Variants in NAV1 observed in about 807,000 individuals in gnomAD.
NAV1 encodes neuron navigator 1.
Under a neutral mutation model 175.2 loss-of-function variants are expected in NAV1, and 18 were observed. That is an observed-to-expected ratio of 0.10 (90% CI 0.07 to 0.15). The LOEUF (loss-of-function observed/expected upper bound fraction) is 0.15. Ranked by LOEUF, NAV1 falls within the 10% of genes least tolerant of loss-of-function variation. The pLI is 1.00. For missense variants in NAV1, 1,731 were observed against 2,436.6 expected, an observed-to-expected ratio of 0.71 and a Z score of 6.10; for synonymous variants, 897 against 978.7, an observed-to-expected ratio of 0.92 and a Z score of 1.56.
intron 1 of NAV1, among the ~76,000 whole-genome samples, chr1:201,627,706 T>C (rs959886091): frequency 1.3e-5 from 2 of 152,124 alleles, no homozygotes; most frequent in South Asian, 2.1e-4. Context: ...CTCTCCCCAG[T>C]AGAATTTTCT....
chr1:201,658,481 A>C (rs1321670985), intron 1 of NAV1, among the ~76,000 whole-genome samples: 3 of 152,054 alleles, frequency 2.0e-5, no homozygotes, highest in Admixed American at 6.6e-5. Context: ...AAAAAACTAG[A>C]AAAGGAAGGG....
intron 3 of NAV1, among the ~76,000 whole-genome samples, chr1:201,733,926 G>T (rs1043292188): frequency 3.9e-5 from 6 of 152,182 alleles, no homozygotes; most frequent in African/African-American, 1.2e-4. Flanking sequence ...ACTTCAGGGA[G>T]AGGGACGATG....
chr1:201,649,439 C>CGG lies in NAV1; in HGVS notation c.757+14_757+15insGG. 6.8e-7 allele frequency: 1 copy of CGG among 1,463,874 alleles called. No individual in the cohort carries two copies. Among genetic ancestry groups the CGG allele is most frequent in the Non-Finnish European group, 9.1e-7 (1 of 1,100,386 alleles). The allele number at this position is 1,463,874 out of a possible 1,614,324, so 90.7% of individuals were successfully genotyped here. On this transcript the variant is annotated intron_variant, in intron 1 of 29. Coordinates refer to ENST00000367296, the Ensembl canonical transcript of NAV1. ...GCCAGATGCTGGGTAAGTCCTGCCG[C>CGG]CCCGCCCCGCCCCGCCCCTGGCTTT...
exon 30 of NAV1, chr1:201,826,848 C>T (rs1187027107): frequency 1.3e-5 from 2 of 152,198 alleles, no homozygotes; most frequent in African/African-American, 4.8e-5. Flanking sequence ...AAGAGGCCTT[C>T]CTTCATCACC....
chr1:201,591,453 A>T (rs1667190527), intron 2 of NAV1, among the ~76,000 whole-genome samples: 7 of 152,148 alleles, frequency 4.6e-5, no homozygotes, highest in Admixed American at 4.6e-4. Context: ...GTTGCCTTTG[A>T]GTAGCCCCAG....
chr1:201,643,977 C>T (rs1668892977), upstream of NAV1, among the ~76,000 whole-genome samples: 1 of 152,236 alleles, frequency 6.6e-6, no homozygotes, highest in South Asian at 2.1e-4. Flanking sequence ...AGTCAAATCA[C>T]TCATCCTATC....
At chr1:201,606,754 C>T (rs1571843141) in intron 2 of NAV1, among the ~76,000 whole-genome samples, 1 of 152,242 alleles carries the variant, frequency 6.6e-6, no homozygotes, top group African/African-American at 2.4e-5. Context: ...TGCTCCCCTA[C>T]TTGGCCTGAC....
chr1:201,811,492 A>G (rs1678685930), intron 24 of NAV1, 111 bp from the exon 29 acceptor site: 3 of 1,337,432 alleles, frequency 2.2e-6, no homozygotes, highest in Admixed American at 1.9e-5. Flanking sequence ...GCAAGGAACT[A>G]AAGGCCCCAG....
chr1:201,548,837 G>T (rs1195696644), intron 1 of NAV1, among the ~76,000 whole-genome samples: 2 of 152,236 alleles, frequency 1.3e-5, no homozygotes, highest in Admixed American at 6.5e-5. Flanking sequence ...CTTTGGTAAT[G>T]ATAGATATTG....
At position 201,642,557 on chromosome 1, in the gene NAV1, T is replaced by TTCCTTCCTTCCTTCCTCTTTC. The variant is rs1668819760; in HGVS notation, c.5-6076_5-6075insCCTTCCTTCCTTCCTCTTTCT. 8.2e-3 allele frequency among the ~76,000 whole-genome samples: 865 copies of TTCCTTCCTTCCTTCCTCTTTC among 105,792 alleles called. 26 individuals carry two copies. Among genetic ancestry groups the TTCCTTCCTTCCTTCCTCTTTC allele is most frequent in the Non-Finnish European group, 0.012 (611 of 52,206 alleles). 69.4% of individuals were successfully genotyped at this position (105,792 alleles called of 152,430 possible). On this transcript the variant is annotated intron_variant, in intron 2 of 29. Coordinates refer to the NAV1 transcript ENST00000367302. ...TCTTTCTTTCTTTCTTTCTTTCTTT[T>TTCCTTCCTTCCTTCCTCTTTC]TTCCCTTTCTTCCCTTCCTTCTCTT... is the stretch of plus-strand genomic sequence containing the variant.
intron 3 of NAV1, among the ~76,000 whole-genome samples, chr1:201,771,746 A>G (rs1675603966): frequency 6.6e-6 from 1 of 152,250 alleles, no homozygotes; most frequent in Non-Finnish European, 1.5e-5. Flanking sequence ...ATAGAAGCAG[A>G]TCCACAGATG....
chr1:201,775,407 T>A (rs1406272234), intron 3 of NAV1, among the ~76,000 whole-genome samples: 1 of 152,188 alleles, frequency 6.6e-6, no homozygotes, highest in African/African-American at 2.4e-5. Context: ...GACCAACCCA[T>A]GAGAAAAAAC....
upstream of NAV1, among the ~76,000 whole-genome samples, chr1:201,643,886 T>C (rs914582083): frequency 1.3e-5 from 2 of 152,260 alleles, no homozygotes; most frequent in Non-Finnish European, 2.9e-5. Flanking sequence ...GAGAATGTGA[T>C]ATCACACAGC....
rs578230188 is a variant in NAV1 at position 201,590,184 on chromosome 1, T to C, written c.-33+1535T>C. On this transcript the variant is annotated intron_variant, in intron 2 of 33. Coordinates refer to the NAV1 transcript ENST00000685211. ...CTGGGATTACAGGCATGAGCCACCA[T>C]GCCCGCCCAGGGAAGACAGTATCTC... Among the ~76,000 whole-genome samples, 5 of 152,334 alleles carry C rather than the reference T, an allele frequency of 3.3e-5. No homozygotes were observed. In the East Asian group the frequency reaches 9.7e-4, roughly 29 times the overall value.
intron 1 of NAV1, among the ~76,000 whole-genome samples, chr1:201,658,365 C>T (rs922322740): frequency 3.3e-5 from 5 of 151,958 alleles, no homozygotes; most frequent in South Asian, 2.1e-4. Context: ...GAATTGGCAT[C>T]AGTGCATAGG....
At chr1:201,575,596 T>C (rs766401212) in intron 1 of NAV1, among the ~76,000 whole-genome samples, 1 of 152,088 alleles carries the variant, frequency 6.6e-6, no homozygotes, top group African/African-American at 2.4e-5. Flanking sequence ...TTGGAGGAAA[T>C]GTTCAGGGGC....
chr1:201,756,820 C>CTTTCTTTCTT (rs1674507245), intron 3 of NAV1, among the ~76,000 whole-genome samples: 2 of 29,152 alleles, frequency 6.9e-5, no homozygotes, highest in East Asian at 4.7e-4. Context: ...TTCTTTCTTT[C>CTTTCTTTCTT]TTTCTTTCTT....
rs556125490 is a variant in NAV1, at chr1:201,563,513, TC to T, written c.-144+24174del. ...GGTACAGCAAGGAAAGCCTGCAGGA[TC>T]CCTCCACATCAGAGGTAAGGAAGAA... On this transcript the variant is annotated intron_variant, in intron 1 of 33. Transcript: ENST00000685211. Among the ~76,000 whole-genome samples the T allele has an allele frequency of 8.6e-5, 13 of 151,770 alleles. No individual in the cohort carries two copies. In the East Asian group the frequency reaches 2.5e-3, roughly 29 times the overall value.
Position 201,777,091 on chromosome 1 carries a change from A to C in NAV1, c.1227-3330A>C, listed in dbSNP as rs115842073. ...CCAAAATCTCACATGTAAAGATGGA[A>C]TAAAGACATTTTATGACATGTAAGG... On this transcript the variant is annotated intron_variant, in intron 3 of 29. Coordinates refer to ENST00000367296, the Ensembl canonical transcript of NAV1. Among the ~76,000 whole-genome samples, 1,272 of 152,368 alleles carry C rather than the reference A, an allele frequency of 8.3e-3. 19 individuals are homozygous for C. Among genetic ancestry groups the C allele is most frequent in the African/African-American group, 0.029 (1,186 of 41,586 alleles).
Sources: allele counts gnomAD v4.1 joint callset (sites outside exome capture counted in the v4.1 genomes callset), GRCh38; gene constraint gnomAD v4.1.1; transcripts MANE v1.5; gene names NCBI Gene and HGNC (gene_info 2026-07-23, HGNC 2026-07-21).